Variants in AOPEP observed in about 807,000 individuals in gnomAD.
The protein encoded by AOPEP is aminopeptidase O.
A neutral mutation model predicts 98.1 loss-of-function variants in AOPEP; 77 were observed. That is an observed-to-expected ratio of 0.78 (90% CI 0.65 to 0.95). AOPEP has a LOEUF of 0.95. Ranked by LOEUF, AOPEP falls within the 40% of genes least tolerant of loss-of-function variation. The pLI, the probability that AOPEP is intolerant of heterozygous loss-of-function variation, is 0.00. For missense variants in AOPEP, 1,024 were observed against 1,024.7 expected, an observed-to-expected ratio of 1.00 and a Z score of 0.01; for synonymous variants, 346 against 365.3, an observed-to-expected ratio of 0.95 and a Z score of 0.60.
At chr9:95,124,343 C>A in the AOPEP span, among the ~76,000 whole-genome samples, 3 of 152,248 alleles carry the variant, frequency 2.0e-5, no homozygotes, top group Admixed American at 1.3e-4. Context: ...CGTTAGAAAT[C>A]AAGGCCAAAT....
rs577507144 is a variant in AOPEP at position 94,959,225 on chromosome 9, A to C, written c.1872+3210A>C. The stretch of plus-strand genomic sequence containing the variant: ...CACCTGGCTAATTTTTTGTATTTTT[A>C]GTAGAGACAGGGTTTCACCATGTTA... On this transcript the variant is annotated intron_variant, in intron 9 of 16. Transcript: ENST00000375315. 4.6e-5 allele frequency among the ~76,000 whole-genome samples: 7 copies of C among 152,096 alleles called. 1 individual carries two copies. Among genetic ancestry groups the C allele is most frequent in the African/African-American group, 1.7e-4 (7 of 41,506 alleles).
At chr9:95,133,533 G>C in the AOPEP span, among the ~76,000 whole-genome samples, 1 of 152,208 alleles carries the variant, frequency 6.6e-6, no homozygotes, top group Non-Finnish European at 1.5e-5. Context: ...GGGACGGCCT[G>C]CGTTCTCTGT....
At chr9:94,845,830 C>T (rs759856626) in intron 5 of AOPEP, among the ~76,000 whole-genome samples, 5 of 152,140 alleles carry the variant, frequency 3.3e-5, no homozygotes, top group South Asian at 2.1e-4. Flanking sequence ...CAGTGGCTCA[C>T]GCCTGTAATT....
At chr9:94,789,908 C>T (rs961858817) in intron 3 of AOPEP, among the ~76,000 whole-genome samples, 5 of 151,318 alleles carry the variant, frequency 3.3e-5, no homozygotes, top group Admixed American at 1.3e-4. Flanking sequence ...GAGTCTCGCT[C>T]TGTGGCCCAG....
intron 13 of AOPEP, among the ~76,000 whole-genome samples, chr9:95,024,673 T>A (rs1187378957): frequency 6.6e-6 from 1 of 152,200 alleles, no homozygotes; most frequent in African/African-American, 2.4e-5. Context: ...AGAATGTTGG[T>A]ATGGAGAATA....
intron 3 of AOPEP, among the ~76,000 whole-genome samples, chr9:94,774,927 T>C (rs1841747136): frequency 6.6e-6 from 1 of 152,230 alleles, no homozygotes; most frequent in Non-Finnish European, 1.5e-5. Context: ...TGTCCTTATA[T>C]GTTTCTTAAC....
intron 5 of AOPEP, among the ~76,000 whole-genome samples, chr9:94,874,971 G>T (rs561847065): frequency 6.6e-6 from 1 of 152,116 alleles, no homozygotes; most frequent in Non-Finnish European, 1.5e-5. Flanking sequence ...TGTGTAAGGG[G>T]CTCAAGGATG....
chr9:94,958,727 C>T (rs77156907), intron 9 of AOPEP, among the ~76,000 whole-genome samples: 4,358 of 152,212 alleles, frequency 0.029, 224 homozygotes, highest in African/African-American at 0.099. Flanking sequence ...TTTAAAATTT[C>T]GATTGTCTTT....
At chr9:94,733,873 G>T (rs376515899) in intron 1 of AOPEP, among the ~76,000 whole-genome samples, 23 of 152,270 alleles carry the variant, frequency 1.5e-4, no homozygotes, top group African/African-American at 5.3e-4. Context: ...TTACCACATA[G>T]AATCTGGTGC....
intron 16 of AOPEP, chr9:95,085,866 G>T (rs1245530665): frequency 1.7e-6 from 2 of 1,183,126 alleles, no homozygotes. Flanking sequence ...GAGCGGGGCG[G>T]GGCGGGGCTT....
chr9:95,102,224 G>A, the AOPEP span, among the ~76,000 whole-genome samples: 3 of 152,196 alleles, frequency 2.0e-5, no homozygotes, highest in East Asian at 3.9e-4. Context: ...GCATGCTGTG[G>A]CTTGACTTTC....
At chr9:94,996,503 A>C (rs2061255318) in intron 11 of AOPEP, among the ~76,000 whole-genome samples, 1 of 152,136 alleles carries the variant, frequency 6.6e-6, no homozygotes, top group Non-Finnish European at 1.5e-5. Flanking sequence ...CAAGCCACAC[A>C]GTCTGAGTGC....
At chr9:94,979,872 A>G (rs2060075357) in intron 11 of AOPEP, among the ~76,000 whole-genome samples, 1 of 152,078 alleles carries the variant, frequency 6.6e-6, no homozygotes, top group African/African-American at 2.4e-5. Flanking sequence ...GTCCTGCCCC[A>G]TGGTCCCTGT....
intron 7 of AOPEP, among the ~76,000 whole-genome samples, chr9:94,942,736 G>A (rs912915569): frequency 6.6e-6 from 1 of 151,942 alleles, no homozygotes; most frequent in African/African-American, 2.4e-5. Context: ...CGAGATATAG[G>A]ATCAACATAC....
At chr9:94,905,489 A>G (rs1056708886) in intron 5 of AOPEP, among the ~76,000 whole-genome samples, 6 of 152,246 alleles carry the variant, frequency 3.9e-5, no homozygotes, top group African/African-American at 1.4e-4. Context: ...GAAAAGGACT[A>G]AAATTTTGAT....
chr9:95,149,729 T>C, the AOPEP span, among the ~76,000 whole-genome samples: 2 of 152,180 alleles, frequency 1.3e-5, no homozygotes, highest in Non-Finnish European at 2.9e-5. Context: ...TCCACCCGCC[T>C]TGGCCTCCCA....
the AOPEP span, among the ~76,000 whole-genome samples, chr9:95,148,579 C>A: frequency 6.6e-6 from 1 of 152,296 alleles, no homozygotes; most frequent in South Asian, 2.1e-4. Flanking sequence ...TACTTAAAGT[C>A]ATTTCTGATG....
At chr9:95,068,828 G>C (rs112639721) in intron 14 of AOPEP, among the ~76,000 whole-genome samples, 14 of 152,294 alleles carry the variant, frequency 9.2e-5, no homozygotes, top group Admixed American at 1.3e-4. Context: ...AGAAGAGAAG[G>C]GGGAGGGAAG....
intron 13 of AOPEP, among the ~76,000 whole-genome samples, chr9:95,009,599 A>G (rs923408674): frequency 2.0e-5 from 3 of 152,220 alleles, no homozygotes; most frequent in South Asian, 2.1e-4. Flanking sequence ...AAGGTTGGCT[A>G]TTACGTGTAT....
Sources: gnomAD v4.1 joint callset for allele counts (sites outside exome capture counted in the v4.1 genomes callset) on GRCh38, gnomAD v4.1.1 for gene constraint, MANE v1.5 for transcripts, NCBI Gene and HGNC (gene_info 2026-07-23, HGNC 2026-07-21) for gene names.